Variants in NSD1 observed in about 807,000 individuals in gnomAD.
NSD1 encodes the protein histone-lysine N-methyltransferase, H3 lysine-36 specific.
In NSD1, 26 loss-of-function variants were observed where a neutral mutation model predicts 242.7. The ratio of observed to expected loss-of-function variants is 0.11; its 90% CI spans 0.08 to 0.15. The LOEUF (loss-of-function observed/expected upper bound fraction) is 0.15, where lower values mean the gene tolerates loss of function less well. Ranked by LOEUF, NSD1 falls within the 10% of genes least tolerant of loss-of-function variation. The pLI, the probability that NSD1 is intolerant of heterozygous loss-of-function variation, is 1.00. For synonymous variants in NSD1, 1,106 were observed against 1,178.1 expected, an observed-to-expected ratio of 0.94 and a Z score of 1.25; for missense variants, 2,495 against 3,272.8, an observed-to-expected ratio of 0.76 and a Z score of 5.80.
At chr5:177,197,282 T>A (rs1331263017) in intron 3 of NSD1, among the ~76,000 whole-genome samples, 12 of 135,476 alleles carry the variant, frequency 8.9e-5, no homozygotes, top group Non-Finnish European at 1.6e-4. Context: ...AAAAAAAAAA[T>A]AGTAAATAAA....
Position 177,295,552 on chromosome 5 carries a change from A to C in NSD1, c.*93A>C. Reference sequence around the variant, plus strand: ...CTTTCTTTCCCCCTTAAAAAAAAACACATCTGCCCCGAACACTTTCCCACT... The same window carrying C: ...CTTTCTTTCCCCCTTAAAAAAAAACCCATCTGCCCCGAACACTTTCCCACT... On this transcript the variant is annotated 3_prime_UTR_variant, in exon 23 of 23. Coordinates refer to ENST00000439151, the MANE Select transcript of NSD1 (RefSeq NM_022455.5). The surrounding 1 kb of genome is among the most constrained non-coding windows in gnomAD (Gnocchi z 4.3). 1 of 1,225,358 alleles carries C rather than the reference A, an allele frequency of 8.2e-7. No homozygotes were observed. Among genetic ancestry groups the C allele is most frequent in the Non-Finnish European group, 1.2e-6 (1 of 850,166 alleles). The allele number at this position is 1,225,358 out of a possible 1,614,324, so 75.9% of individuals were successfully genotyped here. A position where few individuals can be genotyped will look rare whatever the true frequency, so the allele number is the denominator to read the frequency against.
chr5:177,159,971 C>G (rs1758605387), intron 2 of NSD1, among the ~76,000 whole-genome samples: 1 of 152,030 alleles, frequency 6.6e-6, no homozygotes, highest in Non-Finnish European at 1.5e-5. Context: ...CTCACTGCAA[C>G]CTCTGCCTCC....
chr5:177,264,800 A>C (rs1419565013), intron 14 of NSD1: 2 of 750,172 alleles, frequency 2.7e-6, no homozygotes, highest in African/African-American at 3.4e-5. Flanking sequence ...AGAGGCACCC[A>C]GTACATGTTC....
intron 2 of NSD1, among the ~76,000 whole-genome samples, chr5:177,152,717 G>C (rs1757828001): frequency 6.6e-6 from 1 of 151,478 alleles, no homozygotes; most frequent in Admixed American, 6.6e-5. Context: ...GCCCGCCTCT[G>C]CTTCCCAAAG....
intron 2 of NSD1, among the ~76,000 whole-genome samples, chr5:177,150,885 T>C (rs913520087): frequency 6.6e-6 from 1 of 152,196 alleles, no homozygotes. Context: ...TAACAGACAT[T>C]AATGCTACAC....
chr5:177,266,375 C>T (rs1341553587), intron 14 of NSD1: 3 of 677,856 alleles, frequency 4.4e-6, no homozygotes, highest in African/African-American at 1.8e-5. Context: ...GCCTTGGCGG[C>T]GAACATGCAG....
chr5:177,217,762 C>G (rs897708151), intron 5 of NSD1, among the ~76,000 whole-genome samples: 1 of 149,786 alleles, frequency 6.7e-6, no homozygotes, highest in South Asian at 2.1e-4. Context: ...CCACCTCCCT[C>G]GTTCAAGCCA....
chr5:177,148,619 T>C (rs1313526955), intron 2 of NSD1, among the ~76,000 whole-genome samples: 2 of 151,664 alleles, frequency 1.3e-5, no homozygotes, highest in Non-Finnish European at 2.9e-5. Context: ...GAGACGGGGT[T>C]TCACCATGTT....
At position 177,209,965 on chromosome 5, in the gene NSD1, A is replaced by T. The variant is rs2149843191; in HGVS notation, c.1566A>T (p.Lys522Asn). The T allele has an allele frequency of 2.5e-6, 4 of 1,614,186 alleles. No homozygotes were observed. The highest frequency in any genetic ancestry group is 2.5e-6 in the Non-Finnish European group (3 of 1,180,022). ...GCCACATACAATTTGAAGCACATAA[A>T]GATGAACGGAGGGGAAAGATTCCAG... ...KKGHIQFEAH[K>N]DERRGKIPEN... The change falls in exon 5 of 23, where the codon AAA becomes AAT. Residue 522 changes from lysine (K) to asparagine (N), a missense_variant. Coordinates refer to ENST00000439151, the MANE Select transcript of NSD1 (RefSeq NM_022455.5).
Position 177,204,111 on chromosome 5 carries a change from C to T in NSD1, c.1064-9C>T, listed in dbSNP as rs1304257785. 5.6e-6 allele frequency: 9 copies of T among 1,613,454 alleles called. No individual in the cohort carries two copies. The highest frequency in any genetic ancestry group is 7.6e-6 in the Non-Finnish European group (9 of 1,179,494). On this transcript the variant is annotated splice_polypyrimidine_tract_variant and intron_variant, in intron 3 of 22. Coordinates refer to ENST00000439151, the MANE Select transcript of NSD1 (RefSeq NM_022455.5). ...ATCTAATGATTCTGGTTCTCTTACC[C>T]TTACCTAGTTTCCAACCGGAGGCCC... is the stretch of plus-strand genomic sequence containing the variant.
At position 177,238,544 on chromosome 5, in the gene NSD1, AT is replaced by A. The variant is rs1388589955; in HGVS notation, c.4192+38del. 1.2e-6 allele frequency: 2 copies of A among 1,605,200 alleles called. No homozygotes were observed. Among genetic ancestry groups the A allele is most frequent in the Admixed American group, 1.7e-5 (1 of 60,002 alleles). On this transcript the variant is annotated intron_variant, in intron 7 of 22. Transcript: ENST00000439151. This position sits in a 1 kb window ranked among gnomAD's most constrained non-coding sequence, Gnocchi z 4.6. ...TTGGGGTCTCAGTATTTGAGCAGAT[AT>A]GATTAGAGGAAGCAGGAGATTTTAG...
At chr5:177,158,289 CTTTCTTTCTTTCTTTTCTTTCTTTT>C (rs1562130545) in intron 2 of NSD1, among the ~76,000 whole-genome samples, 17 of 94,668 alleles carry the variant, frequency 1.8e-4, no homozygotes, top group African/African-American at 1.0e-3. Flanking sequence ...TTCTTTCTTT[CTTTCTTTCTTTCTTTTCTTTCTTTT>C]CTTTCTTTTC....
rs1442977122 is a variant in NSD1 at position 177,211,084 on chromosome 5, T to G, written c.2685T>G (p.Ser895Arg). The G allele has an allele frequency of 2.5e-6, 4 of 1,614,090 alleles. No homozygotes were observed. In the Admixed American group the frequency reaches 6.7e-5, roughly 27 times the overall value. Residue 895 changes from serine (S) to arginine (R), a missense_variant, in exon 5 of 23, where the codon AGT becomes AGG. This residue lies in a region of NSD1 where 121 missense variants were observed against 167.2 expected (regional missense o/e 0.72). Coordinates refer to ENST00000439151, the MANE Select transcript of NSD1 (RefSeq NM_022455.5). ...SKPLLFSSAS[S>R]QNHIPIEPDY... ...CATTACTTTTCTCTTCTGCTTCTAG[T>G]CAGAATCACATACCTATTGAACCAG... is the stretch of plus-strand genomic sequence containing the variant.
intron 5 of NSD1, among the ~76,000 whole-genome samples, chr5:177,217,021 T>C (rs1032206010): frequency 1.2e-4 from 19 of 152,022 alleles, no homozygotes; most frequent in African/African-American, 4.3e-4. Context: ...TAATTTAGGA[T>C]AGTTTTTTTA....
chr5:177,272,635 A>T (rs1226638028), intron 16 of NSD1, among the ~76,000 whole-genome samples: 1 of 152,188 alleles, frequency 6.6e-6, no homozygotes, highest in Non-Finnish European at 1.5e-5. Context: ...CATGCATGTA[A>T]TCCTAACACT....
intron 2 of NSD1, among the ~76,000 whole-genome samples, chr5:177,157,547 A>G (rs1758240276): frequency 6.6e-6 from 1 of 151,980 alleles, no homozygotes; most frequent in South Asian, 2.1e-4. Context: ...AAAAATACAA[A>G]AATTAGCCCG....
In NSD1 at chr5:177,293,855, C is replaced by G. The variant is rs1060501494; in HGVS notation, c.6487C>G (p.Gln2163Glu). 6.2e-7 allele frequency: 1 copy of G among 1,614,020 alleles called. No individual in the cohort carries two copies. Among genetic ancestry groups the G allele is most frequent in the African/African-American group, 1.3e-5 (1 of 74,908 alleles). The part of the protein sequence containing the change: ...PAGKWECPWH[Q>E]CDICGKEAAS... ...AGGGAAATGGGAATGTCCGTGGCAT[C>G]AGTGTGACATCTGCGGGAAGGAAGC... is the stretch of plus-strand genomic sequence containing the variant. The change falls in exon 23 of 23, where the codon CAG becomes GAG. Residue 2163 changes from glutamine to glutamate, a missense_variant. Gln to Glu is a conservative substitution (Grantham distance 29, BLOSUM62 2). Around this residue, in one of 19 missense-constraint regions of NSD1, gnomAD observed 33 missense variants for 134.8 expected, o/e 0.24. Coordinates refer to ENST00000439151, the MANE Select transcript of NSD1 (RefSeq NM_022455.5).
At position 177,226,052 on chromosome 5, in the gene NSD1, C is replaced by T. The variant is rs11952174; in HGVS notation, c.3797-9769C>T. Among the ~76,000 whole-genome samples the T allele has an allele frequency of 9.2e-3, 1,394 of 152,074 alleles. 20 individuals carry two copies. Among genetic ancestry groups the T allele is most frequent in the African/African-American group, 0.032 (1,323 of 41,478 alleles). On this transcript the variant is annotated intron_variant, in intron 5 of 22. Coordinates refer to ENST00000439151, the MANE Select transcript of NSD1 (RefSeq NM_022455.5). ...AGCAGCAGAGTGTGCCATAGTTTTTCGTTTTTGTTTTTGAGACAGGGTCTC... is the reference window on the plus strand; with the variant it reads ...AGCAGCAGAGTGTGCCATAGTTTTTTGTTTTTGTTTTTGAGACAGGGTCTC...
intron 14 of NSD1, chr5:177,265,650 C>T (rs1757369780): frequency 1.2e-6 from 2 of 1,607,572 alleles, no homozygotes; most frequent in Non-Finnish European, 1.7e-6. Flanking sequence ...AAGTCCCGGT[C>T]CCAGTTCTTG....
Sources: allele counts gnomAD v4.1 joint callset (sites outside exome capture counted in the v4.1 genomes callset), GRCh38; gene constraint gnomAD v4.1.1; regional missense constraint gnomAD v4.1.1; non-coding constraint Gnocchi (gnomAD v3.1); transcripts MANE v1.5; gene names NCBI Gene and HGNC (gene_info 2026-07-23, HGNC 2026-07-21).